The following MIB1 variants were observed in gnomAD, a reference collection of about 807,000 sequenced individuals.
MIB1 encodes MIB E3 ubiquitin protein ligase 1.
In MIB1, 278 loss-of-function variants were observed where a neutral mutation model predicts 124.5. The ratio of observed to expected loss-of-function variants is 2.23; its 90% CI spans 2.02 to 2.47. The LOEUF (loss-of-function observed/expected upper bound fraction) is 2.47, where lower values mean the gene tolerates loss of function less well. Ranked by LOEUF, MIB1 falls within the 30% of genes most tolerant of loss-of-function variation. MIB1 has a pLI of 0.00. For synonymous variants in MIB1, 446 were observed against 429.4 expected (o/e 1.04, Z -0.48); for missense variants, 957 against 1,254.4 (o/e 0.76, Z 3.58).
chr18:21,769,569 G>A (rs142245743), intron 3 of MIB1, among the ~76,000 whole-genome samples: 3 of 152,228 alleles, frequency 2.0e-5, no homozygotes, highest in African/African-American at 7.2e-5. Context: ...TTTCCTGGCT[G>A]GATCTCATGT....
rs1331313756 is a variant in MIB1, at chr18:21,865,508, TC to T, written c.*844del. On this transcript the variant is annotated 3_prime_UTR_variant, in exon 21 of 21. Coordinates refer to ENST00000261537, the MANE Select transcript of MIB1 (RefSeq NM_020774.4). ...AAAAAAAATCTATGAAAAGTGTACT[TC>T]CGGTTTTCTGTGATTACTTATCTGG... is the stretch of plus-strand genomic sequence containing the variant. 1 of 152,512 alleles carries T rather than the reference TC, an allele frequency of 6.6e-6. No individual in the cohort carries two copies. The highest frequency in any genetic ancestry group is 2.4e-5 in the African/African-American group (1 of 41,456). 9.4% of individuals were successfully genotyped at this position (152,512 alleles called of 1,614,324 possible).
At chr18:21,744,823 AT>A (rs2146378494) in intron 1 of MIB1, among the ~76,000 whole-genome samples, 1 of 152,354 alleles carries the variant, frequency 6.6e-6, no homozygotes, top group Non-Finnish European at 1.5e-5. Context: ...GTCACCAGGA[AT>A]TTTACCAACT....
At chr18:21,716,496 C>T (rs376595814) in intron 1 of MIB1, among the ~76,000 whole-genome samples, 11 of 152,112 alleles carry the variant, frequency 7.2e-5, no homozygotes, top group African/African-American at 2.4e-4. Context: ...CAACAAATAG[C>T]ACAATGAATG....
At chr18:21,842,148 C>T (rs1410913849) in intron 13 of MIB1, among the ~76,000 whole-genome samples, 1 of 144,370 alleles carries the variant, frequency 6.9e-6, no homozygotes, top group African/African-American at 2.5e-5. Flanking sequence ...CAGGTACCTT[C>T]TGACCACACT....
chr18:21,832,896 A>G (rs1381823753), intron 12 of MIB1, among the ~76,000 whole-genome samples: 1 of 152,214 alleles, frequency 6.6e-6, no homozygotes, highest in African/African-American at 2.4e-5. Flanking sequence ...ATTTTGTAGC[A>G]GTGAAAGTAC....
At position 21,799,832 on chromosome 18, in the gene MIB1, G is replaced by T; in HGVS notation, c.1238-9G>T. The stretch of plus-strand genomic sequence containing the variant: ...TCCTATATTAGCAGCTTTATTTGAT[G>T]CTTTACAGAAAGACTCTCACAACTC... On this transcript the variant is annotated splice_polypyrimidine_tract_variant and intron_variant, in intron 8 of 20. Transcript: ENST00000261537. 2 of 1,607,920 alleles carry T rather than the reference G, an allele frequency of 1.2e-6. No homozygotes were observed. The highest frequency in any genetic ancestry group is 1.7e-6 in the Non-Finnish European group (2 of 1,176,256).
chr18:21,855,920 A>T (rs534335775), intron 18 of MIB1, among the ~76,000 whole-genome samples: 1 of 152,370 alleles, frequency 6.6e-6, no homozygotes, highest in Non-Finnish European at 1.5e-5. Flanking sequence ...ACAAGTTTAG[A>T]TGTAAGGTAG....
chr18:21,841,251 C>T (rs1052525723), intron 13 of MIB1, among the ~76,000 whole-genome samples: 2 of 152,116 alleles, frequency 1.3e-5, no homozygotes, highest in African/African-American at 4.8e-5. Flanking sequence ...CTGTAGTCCC[C>T]AGCTACTCAG....
At chr18:21,759,185 G>GT (rs1268025513) in intron 1 of MIB1, among the ~76,000 whole-genome samples, 1 of 150,882 alleles carries the variant, frequency 6.6e-6, no homozygotes, top group Non-Finnish European at 1.5e-5. Flanking sequence ...TAATAGTATT[G>GT]TTTCAACATT....
At chr18:21,847,735 A>AC (rs2042147478) in intron 16 of MIB1, among the ~76,000 whole-genome samples, 5 of 152,206 alleles carry the variant, frequency 3.3e-5, no homozygotes, top group African/African-American at 1.2e-4. Flanking sequence ...TGACAGGTGC[A>AC]CTCAGTATCA....
intron 1 of MIB1, among the ~76,000 whole-genome samples, chr18:21,753,671 T>C (rs1026977204): frequency 2.6e-5 from 4 of 151,872 alleles, no homozygotes; most frequent in Non-Finnish European, 5.9e-5. Context: ...GTGCATTTCT[T>C]TTTCTTTCTT....
rs192901963 is a variant in MIB1 at position 21,740,856 on chromosome 18, T to C, written c.-728T>C. 2.6e-4 allele frequency among the ~76,000 whole-genome samples: 40 copies of C among 152,364 alleles called. No homozygotes were observed. Among genetic ancestry groups the C allele is most frequent in the African/African-American group, 9.6e-4 (40 of 41,594 alleles). ...TCCTTTCTTCCCGCGATCGCGCGGC[T>C]CTCTGGAAGCCTTCCCACTCTATTA... On this transcript the variant is annotated 5_prime_UTR_variant, in exon 1 of 21. Coordinates refer to ENST00000261537, the MANE Select transcript of MIB1 (RefSeq NM_020774.4).
chr18:21,742,184 CTG>C (rs1452449997), intron 1 of MIB1, among the ~76,000 whole-genome samples: 2 of 151,992 alleles, frequency 1.3e-5, no homozygotes, highest in Non-Finnish European at 2.9e-5. Context: ...CAAGTGATAA[CTG>C]TCTGAAGGGA....
chr18:21,762,718 T>C (rs2041111964), intron 1 of MIB1, among the ~76,000 whole-genome samples: 2 of 152,322 alleles, frequency 1.3e-5, no homozygotes, highest in South Asian at 2.1e-4. Flanking sequence ...AGCAAATCTT[T>C]ACAGAAACCA....
chr18:21,801,678 G>A (rs933501397), intron 9 of MIB1, among the ~76,000 whole-genome samples: 3 of 151,914 alleles, frequency 2.0e-5, no homozygotes, highest in African/African-American at 7.3e-5. Flanking sequence ...TCATTTGTTA[G>A]TAATCTGTAT....
intron 18 of MIB1, among the ~76,000 whole-genome samples, chr18:21,856,844 A>G (rs1158692752): frequency 6.6e-6 from 1 of 152,198 alleles, no homozygotes; most frequent in Non-Finnish European, 1.5e-5. Flanking sequence ...ATCTTGAAAT[A>G]TTTATTGTGT....
At chr18:21,833,168 C>G (rs141235860) in intron 12 of MIB1, among the ~76,000 whole-genome samples, 32 of 152,308 alleles carry the variant, frequency 2.1e-4, no homozygotes, top group African/African-American at 7.2e-4. Flanking sequence ...TGCCACATTG[C>G]TCCTCAGATT....
At chr18:21,815,336 CTCTA>C (rs915496417) in intron 10 of MIB1, among the ~76,000 whole-genome samples, 1 of 151,722 alleles carries the variant, frequency 6.6e-6, no homozygotes, top group African/African-American at 2.4e-5. Context: ...GCCTGGCTCT[CTCTA>C]CAAGACAGGA....
intron 1 of MIB1, among the ~76,000 whole-genome samples, chr18:21,763,790 A>T (rs1163663943): frequency 1.3e-5 from 2 of 152,046 alleles, no homozygotes; most frequent in Non-Finnish European, 2.9e-5. Context: ...CTCAATTTCT[A>T]CTGTCAACAC....
Sources: allele counts gnomAD v4.1 joint callset (sites outside exome capture counted in the v4.1 genomes callset), GRCh38; gene constraint gnomAD v4.1.1; transcripts MANE v1.5; gene names NCBI Gene and HGNC (gene_info 2026-07-23, HGNC 2026-07-21).